MAML3: variants seen among roughly 807,000 people sequenced by gnomAD.
MAML3 encodes mastermind-like protein 3.
MAML3 carries 27 observed loss-of-function variants against 101.9 expected under a neutral mutation model. The ratio of observed to expected loss-of-function variants is 0.27; its 90% CI spans 0.20 to 0.37. MAML3 has a LOEUF of 0.37. Among genes scored for constraint, MAML3 ranks in the 10% least tolerant of loss-of-function variants. The pLI is 1.00. For missense variants in MAML3, 1,316 were observed against 1,444.9 expected, an observed-to-expected ratio of 0.91 and a Z score of 1.45; for synonymous variants, 501 against 555.9, an observed-to-expected ratio of 0.90 and a Z score of 1.39.
At chr4:140,137,961 T>C (rs1042336678) in intron 1 of MAML3, among the ~76,000 whole-genome samples, 1 of 152,258 alleles carries the variant, frequency 6.6e-6, no homozygotes, top group Non-Finnish European at 1.5e-5. Flanking sequence ...CTGTTACATC[T>C]TTCTGAACCT....
intron 2 of MAML3, among the ~76,000 whole-genome samples, chr4:139,853,810 A>C (rs191175922): frequency 2.0e-5 from 3 of 151,900 alleles, no homozygotes; most frequent in Admixed American, 2.0e-4. Flanking sequence ...ACCTTGGATA[A>C]ATTTTTTATT....
intron 1 of MAML3, among the ~76,000 whole-genome samples, chr4:140,069,323 G>A (rs951906397): frequency 8.3e-6 from 1 of 119,900 alleles, no homozygotes; most frequent in African/African-American, 2.9e-5. Flanking sequence ...CTCTGTCCAA[G>A]AAGAAGGAGA....
At chr4:139,727,106 T>G (rs548921459) in intron 3 of MAML3, among the ~76,000 whole-genome samples, 1 of 152,350 alleles carries the variant, frequency 6.6e-6, no homozygotes, top group African/African-American at 2.4e-5. Context: ...TATTTCAATT[T>G]TTTCTCTTGT....
chr4:139,830,410 ATTTTTTTTTT>A (rs1157293904), intron 2 of MAML3, among the ~76,000 whole-genome samples: 1 of 121,304 alleles, frequency 8.2e-6, no homozygotes, highest in Non-Finnish European at 1.6e-5. Flanking sequence ...ACGCTGTGCT[ATTTTTTTTTT>A]TTTTTTTTTT....
intron 2 of MAML3, among the ~76,000 whole-genome samples, chr4:139,766,259 C>T (rs1173211206): frequency 6.6e-6 from 1 of 152,096 alleles, no homozygotes; most frequent in Non-Finnish European, 1.5e-5. Flanking sequence ...GCAGCCTCCG[C>T]CTCCTGGGTT....
intron 1 of MAML3, among the ~76,000 whole-genome samples, chr4:139,974,389 G>A (rs1203798094): frequency 6.6e-6 from 1 of 152,126 alleles, no homozygotes; most frequent in East Asian, 1.9e-4. Flanking sequence ...ACAGGTGTAA[G>A]CCACCGCGCC....
At position 139,735,536 on chromosome 4, in the gene MAML3, C is replaced by T. The variant is rs1212675815; in HGVS notation, c.2080-4869G>A. The stretch of plus-strand genomic sequence containing the variant: ...CCCGGGAGGGACCGGGTTCCAGGAC[C>T]CCAGCTGCACAAAGCCGGCCCGGGG... On this transcript the variant is annotated intron_variant, in intron 2 of 4. Coordinates refer to ENST00000509479, the MANE Select transcript of MAML3 (RefSeq NM_018717.5). This position sits in a 1 kb window ranked among gnomAD's most constrained non-coding sequence, Gnocchi z 5.8. Among the ~76,000 whole-genome samples the T allele has an allele frequency of 6.6e-6, 1 of 152,080 alleles. No individual in the cohort carries two copies. Among genetic ancestry groups the T allele is most frequent in the Non-Finnish European group, 1.5e-5 (1 of 68,010 alleles).
At chr4:139,721,478 C>G (rs1005699171) in intron 4 of MAML3, among the ~76,000 whole-genome samples, 10 of 152,312 alleles carry the variant, frequency 6.6e-5, no homozygotes, top group Non-Finnish European at 1.5e-4. Context: ...TTTGATCCCA[C>G]CTGGAACTGT....
chr4:139,840,875 A>C (rs1319851031), intron 2 of MAML3, among the ~76,000 whole-genome samples: 2 of 152,208 alleles, frequency 1.3e-5, no homozygotes, highest in Non-Finnish European at 2.9e-5. Flanking sequence ...TGTCCTGCAC[A>C]TAGTTTCATG....
chr4:139,922,543 C>T (rs35663346), intron 1 of MAML3, among the ~76,000 whole-genome samples: 1 of 151,946 alleles, frequency 6.6e-6, no homozygotes, highest in Non-Finnish European at 1.5e-5. Context: ...ATTAGACATA[C>T]GATTTACATT....
intron 2 of MAML3, among the ~76,000 whole-genome samples, chr4:139,817,508 A>G (rs1480586971): frequency 6.6e-6 from 1 of 152,054 alleles, no homozygotes; most frequent in African/African-American, 2.4e-5. Flanking sequence ...CCATTTCCAA[A>G]TATTGCCAAA....
intron 1 of MAML3, among the ~76,000 whole-genome samples, chr4:139,947,695 G>T (rs1733753973): frequency 6.6e-6 from 1 of 152,102 alleles, no homozygotes. Context: ...TGTGATCCTG[G>T]AGCAAGTTAA....
intron 1 of MAML3, among the ~76,000 whole-genome samples, chr4:140,028,468 C>G (rs1578649655): frequency 6.6e-6 from 1 of 152,162 alleles, no homozygotes; most frequent in East Asian, 1.9e-4. Context: ...CTCTCTCTCT[C>G]TTTCTCATTA....
chr4:140,098,425 A>G (rs556897235), intron 1 of MAML3, among the ~76,000 whole-genome samples: 2 of 152,300 alleles, frequency 1.3e-5, no homozygotes, highest in Admixed American at 1.3e-4. Context: ...CATTCAAGCA[A>G]TCATGCATTT....
chr4:140,054,549 C>A (rs1431173256), intron 1 of MAML3, among the ~76,000 whole-genome samples: 2 of 152,158 alleles, frequency 1.3e-5, no homozygotes, highest in Non-Finnish European at 2.9e-5. Context: ...AGATGCCTTG[C>A]ACCTCTCCTG....
intron 1 of MAML3, among the ~76,000 whole-genome samples, chr4:139,962,775 T>C (rs1486366613): frequency 6.6e-6 from 1 of 152,224 alleles, no homozygotes; most frequent in African/African-American, 2.4e-5. Flanking sequence ...AGGCTTCAAC[T>C]GTAGCAGCAT....
At position 139,777,719 on chromosome 4, in the gene MAML3, C is replaced by A. The variant is rs140405566; in HGVS notation, c.2080-47052G>T. 2.3e-3 allele frequency among the ~76,000 whole-genome samples: 344 copies of A among 152,322 alleles called. 1 individual carries two copies. The highest frequency in any genetic ancestry group is 7.9e-3 in the African/African-American group (328 of 41,576). Reference sequence around the variant, plus strand: ...GGTGCTTTTTAGAGCATAAATCAGACGATGTTACTTGCCTGCTTAACACTA... The same window carrying A: ...GGTGCTTTTTAGAGCATAAATCAGAAGATGTTACTTGCCTGCTTAACACTA... On this transcript the variant is annotated intron_variant, in intron 2 of 4. Transcript: ENST00000509479.
At chr4:140,142,005 T>A (rs1206201419) in intron 1 of MAML3, among the ~76,000 whole-genome samples, 1 of 152,128 alleles carries the variant, frequency 6.6e-6, no homozygotes, top group Non-Finnish European at 1.5e-5. Context: ...ACAGAAACAT[T>A]TAATTAGCAA....
intron 3 of MAML3, chr4:139,730,204 C>T: frequency 1.7e-6 from 1 of 594,298 alleles, no homozygotes; most frequent in Non-Finnish European, 3.0e-6. Context: ...ATGGCTGGAG[C>T]CTGTCTTTTA....
Sources: gnomAD v4.1 joint callset for allele counts (sites outside exome capture counted in the v4.1 genomes callset) on GRCh38, gnomAD v4.1.1 for gene constraint, Gnocchi (gnomAD v3.1) non-coding constraint, MANE v1.5 for transcripts, NCBI Gene and HGNC (gene_info 2026-07-23, HGNC 2026-07-21) for gene names.